Variants in USP29 observed in about 807,000 individuals in gnomAD.
USP29 encodes the protein ubiquitin carboxyl-terminal hydrolase 29.
For synonymous variants in USP29, 386 were observed against 387.4 expected, an observed-to-expected ratio of 1.00 and a Z score of 0.04; for missense variants, 1,102 against 1,069.0, an observed-to-expected ratio of 1.03 and a Z score of -0.43.
chr19:57,128,810 A>C lies in USP29; in HGVS notation c.135A>C (p.Gly45=). The change falls in exon 4 of 4, where the codon GGA becomes GGC. Residue 45 remains glycine (G), a synonymous_variant. Coordinates refer to ENST00000254181, the MANE Select transcript of USP29 (RefSeq NM_020903.3). ...AACTGGTGGTCACTTTCAAATCTGG[A>C]AAATTTATAAGAATTTTTCAGCTGA... ...EIKLVVTFKS[G]KFIRIFQLSN... 1 of 1,614,072 alleles carries C rather than the reference A, an allele frequency of 6.2e-7. No individual in the cohort carries two copies.
chr19:57,129,618 A>G lies in USP29; in HGVS notation c.943A>G (p.Thr315Ala), dbSNP rs2086843913. ...AIPSFADDLL[T>A]QGVPWEYIPF... ...TCCATCTTTTGCTGATGACTTACTCACTCAAGGTGTCCCATGGGAATATAT... is the reference window on the plus strand; with the variant it reads ...TCCATCTTTTGCTGATGACTTACTCGCTCAAGGTGTCCCATGGGAATATAT... The change falls in exon 4 of 4, where the codon ACT (threonine) becomes GCT (alanine). Residue 315 changes from threonine to alanine, a missense_variant. Thr to Ala is a moderately conservative substitution (Grantham distance 58, BLOSUM62 0). Coordinates refer to ENST00000254181, the MANE Select transcript of USP29 (RefSeq NM_020903.3). The G allele has an allele frequency of 2.5e-6, 4 of 1,614,112 alleles. No homozygotes were observed. The highest frequency in any genetic ancestry group is 3.4e-6 in the Non-Finnish European group (4 of 1,180,036).
Position 57,124,127 on chromosome 19 carries a change from T to C in USP29, c.-29T>C, listed in dbSNP as rs539877139. On this transcript the variant is annotated 5_prime_UTR_variant, in exon 3 of 4. Transcript: ENST00000254181. ...ACTTCAGTAAATTGACTCAAGTTTCTTCGGAAAGAACTGTGAGTAGCAAAG... is the reference window on the plus strand; with the variant it reads ...ACTTCAGTAAATTGACTCAAGTTTCCTCGGAAAGAACTGTGAGTAGCAAAG... 1.3e-5 allele frequency: 2 copies of C among 152,308 alleles called. No homozygotes were observed. The highest frequency in any genetic ancestry group is 4.1e-4 in the South Asian group (2 of 4,824). 9.4% of individuals were successfully genotyped at this position (152,308 alleles called of 1,614,324 possible). A position where few individuals can be genotyped will look rare whatever the true frequency, so the allele number is the denominator to read the frequency against.
At chr19:57,121,818 AGG>A (rs1473285681) in intron 1 of USP29, among the ~76,000 whole-genome samples, 1 of 151,514 alleles carries the variant, frequency 6.6e-6, no homozygotes, top group Non-Finnish European at 1.5e-5. Context: ...CTGTTATATA[AGG>A]GACTTGAACA....
At position 57,130,661 on chromosome 19, in the gene USP29, G is replaced by A. The variant is rs781241321; in HGVS notation, c.1986G>A (p.Met662Ile). The A allele has an allele frequency of 1.7e-5, 28 of 1,614,084 alleles. No individual in the cohort carries two copies. In the South Asian group the frequency reaches 2.6e-4, roughly 15 times the overall value. The change falls in exon 4 of 4, where the codon ATG becomes ATA. Residue 662 changes from methionine (M) to isoleucine (I), a missense_variant. By Grantham distance (10) the Met-to-Ile change is conservative. Coordinates refer to ENST00000254181, the MANE Select transcript of USP29 (RefSeq NM_020903.3). ...AGGGAGACATTTCTCTTCCTGTGAT[G>A]TATGAAGATGGAGGGAAGCTGATCA... ...MDQGDISLPV[M>I]YEDGGKLISS...
At chr19:57,120,788 CAAA>C (rs71293954) in intron 1 of USP29, among the ~76,000 whole-genome samples, 649 of 31,020 alleles carry the variant, frequency 0.021, 2 homozygotes, top group African/African-American at 0.066. Context: ...GACTCCGTCT[CAAA>C]AAAAAAAAAA....
At chr19:57,121,126 A>G (rs2086793389) in intron 1 of USP29, among the ~76,000 whole-genome samples, 1 of 151,558 alleles carries the variant, frequency 6.6e-6, no homozygotes, top group Non-Finnish European at 1.5e-5. Context: ...GCCAAAAAAA[A>G]AAAAGAAAAT....
At position 57,130,464 on chromosome 19, in the gene USP29, C is replaced by T; in HGVS notation, c.1789C>T (p.Pro597Ser). Residue 597 changes from proline (P) to serine (S), a missense_variant, in exon 4 of 4, where the codon CCA becomes TCA. Coordinates refer to ENST00000254181, the MANE Select transcript of USP29 (RefSeq NM_020903.3). The stretch of plus-strand genomic sequence containing the variant: ...TGATTCCCTGGTTCTACCCGTTGAA[C>T]CAGACAAGAATGCCGACCTACAAAG... ...SSDSLVLPVEPDKNADLQRFQ... is the reference protein window; with the variant it reads ...SSDSLVLPVESDKNADLQRFQ... The T allele has an allele frequency of 6.2e-7, 1 of 1,614,128 alleles. No individual in the cohort carries two copies.
Position 57,131,258 on chromosome 19 carries a change from A to G in USP29, c.2583A>G (p.Val861=). ...QAWFTYNDLC[V]SEISETKMQE... is the part of the protein sequence containing the mutation. Reference sequence around the variant, plus strand: ...GGTTCACATACAACGATCTATGTGTATCAGAAATCTCAGAGACCAAAATGC... The same window carrying G: ...GGTTCACATACAACGATCTATGTGTGTCAGAAATCTCAGAGACCAAAATGC... The change falls in exon 4 of 4, where the codon GTA becomes GTG. Residue 861 remains valine, a synonymous_variant. Transcript: ENST00000254181. 1 of 1,614,208 alleles carries G rather than the reference A, an allele frequency of 6.2e-7. No individual in the cohort carries two copies. The highest frequency in any genetic ancestry group is 8.5e-7 in the Non-Finnish European group (1 of 1,180,036).
At chr19:57,123,854 T>G (rs932204471) in intron 2 of USP29, among the ~76,000 whole-genome samples, 185 bp from the exon 3 acceptor site, 5 of 152,214 alleles carry the variant, frequency 3.3e-5, no homozygotes, top group Non-Finnish European at 5.9e-5. Flanking sequence ...CATTTAGAGA[T>G]AATCCCATTA....
Position 57,124,848 on chromosome 19 carries a change from A to G in USP29, c.-17+709A>G, listed in dbSNP as rs141609832. Among the ~76,000 whole-genome samples the G allele has an allele frequency of 5.6e-3, 860 of 152,262 alleles. 17 individuals carry two copies. Among genetic ancestry groups the G allele is most frequent in the African/African-American group, 0.02 (821 of 41,558 alleles). On this transcript the variant is annotated intron_variant, in intron 3 of 3. Transcript: ENST00000254181. ...TTTGCCTTAATTTTGTTATTTAACC[A>G]GTAGTCATTCAGGAGCATCATATAG...
intron 2 of USP29, 39 bp downstream of exon 2, chr19:57,122,513 A>G (rs985990953): frequency 2.8e-4 from 38 of 135,526 alleles, no homozygotes; most frequent in South Asian, 1.8e-3. Flanking sequence ...GGGTGATGGG[A>G]TGTGTGTGTG....
In USP29 at chr19:57,121,529, A is replaced by G. The variant is rs538870535; in HGVS notation, c.-267-796A>G. Among the ~76,000 whole-genome samples, 456 of 134,316 alleles carry G rather than the reference A, an allele frequency of 3.4e-3. 3 individuals are homozygous for G. The highest frequency in any genetic ancestry group is 0.022 in the Middle Eastern group (5 of 232). The allele number at this position is 134,316 out of a possible 152,430, so 88.1% of individuals were successfully genotyped here. A position where few individuals can be genotyped will look rare whatever the true frequency, so the allele number is the denominator to read the frequency against. On this transcript the variant is annotated intron_variant, in intron 1 of 3. Coordinates refer to ENST00000254181, the MANE Select transcript of USP29 (RefSeq NM_020903.3). The stretch of plus-strand genomic sequence containing the variant: ...TGTTATATATACTTATATATGCTAT[A>G]TATACTTATATATGCTATGTATACT...
intron 3 of USP29, among the ~76,000 whole-genome samples, chr19:57,126,956 T>G (rs2086827293): frequency 6.6e-6 from 1 of 152,164 alleles, no homozygotes; most frequent in African/African-American, 2.4e-5. Flanking sequence ...GGGGGTCTTT[T>G]TTGTTGATGT....
Position 57,131,306 on chromosome 19 carries a change from G to T in USP29, c.2631G>T (p.Gly877=), listed in dbSNP as rs1202302930. The T allele has an allele frequency of 1.9e-6, 3 of 1,614,082 alleles. No homozygotes were observed. The highest frequency in any genetic ancestry group is 3.3e-5 in the Admixed American group (2 of 60,004). Residue 877 remains glycine (G), a synonymous_variant, in exon 4 of 4, where the codon GGG becomes GGT. Transcript: ENST00000254181. ...TGCAGGAGGCGAGGCTTCACTCTGG[G>T]TATATCTTCTTTTACATGCACAATG... ...TKMQEARLHS[G]YIFFYMHNGI...
chr19:57,122,678 A>T (rs1461911836), intron 2 of USP29, among the ~76,000 whole-genome samples: 1 of 152,104 alleles, frequency 6.6e-6, no homozygotes, highest in Admixed American at 6.6e-5. Context: ...GTAAATTCGA[A>T]AATCCTGATT....
At position 57,131,466 on chromosome 19, in the gene USP29, C is replaced by G; in HGVS notation, c.*22C>G. ...TTGACAGACTCACTCGGCCTCACTT[C>G]ATCCTTGCAAAGAGAATCCTGTACT... On this transcript the variant is annotated 3_prime_UTR_variant, in exon 4 of 4. Transcript: ENST00000254181. 1 of 1,570,804 alleles carries G rather than the reference C, an allele frequency of 6.4e-7. No individual in the cohort carries two copies. The highest frequency in any genetic ancestry group is 1.2e-5 in the South Asian group (1 of 83,942).
Position 57,128,878 on chromosome 19 carries a change from G to A in USP29, c.203G>A (p.Arg68Lys). 6.2e-7 allele frequency: 1 copy of A among 1,613,146 alleles called. No homozygotes were observed. Residue 68 changes from arginine to lysine, a missense_variant, in exon 4 of 4, where the codon AGA becomes AAA. Coordinates refer to ENST00000254181, the MANE Select transcript of USP29 (RefSeq NM_020903.3). Reference sequence around the variant, plus strand: ...GTGGTCCTTAGACATTGTAAAAAAAGACAAAGTCACCTGCGTTTAACTTTG... The same window carrying A: ...GTGGTCCTTAGACATTGTAAAAAAAAACAAAGTCACCTGCGTTTAACTTTG... ...RSVVLRHCKK[R>K]QSHLRLTLKN...
Position 57,129,773 on chromosome 19 carries a change from T to C in USP29, c.1098T>C (p.Ser366=). The C allele has an allele frequency of 1.2e-6, 2 of 1,614,172 alleles. No homozygotes were observed. The highest frequency in any genetic ancestry group is 1.7e-6 in the Non-Finnish European group (2 of 1,180,034). ...TTTCAGCAGTTGCAGAAATATTTTCTGGCAACATGCAGAATGATGCTCATG... is the reference window on the plus strand; with the variant it reads ...TTTCAGCAGTTGCAGAAATATTTTCCGGCAACATGCAGAATGATGCTCATG... ...KVISAVAEIF[S]GNMQNDAHEF... Residue 366 remains serine, a synonymous_variant, in exon 4 of 4, where the codon TCT becomes TCC. Coordinates refer to ENST00000254181, the MANE Select transcript of USP29 (RefSeq NM_020903.3).
intron 1 of USP29, among the ~76,000 whole-genome samples, chr19:57,120,694 G>A (rs1753471892): frequency 7.0e-6 from 1 of 142,266 alleles, no homozygotes; most frequent in Non-Finnish European, 1.5e-5. Context: ...GGCTGAGGCA[G>A]GAGAATCACT....
Sources: allele counts gnomAD v4.1 joint callset (sites outside exome capture counted in the v4.1 genomes callset), GRCh38; gene constraint gnomAD v4.1.1; transcripts MANE v1.5; gene names NCBI Gene and HGNC (gene_info 2026-07-23, HGNC 2026-07-21).